The following RASEF variants were observed in gnomAD, a reference collection of about 807,000 sequenced individuals.
RASEF encodes the protein RAS and EF-hand domain containing, also known as ras and EF-hand domain-containing protein.
A neutral mutation model predicts 90.1 loss-of-function variants in RASEF; 68 were observed. The observed-to-expected ratio is 0.75, with a 90% CI of 0.62 to 0.92. The LOEUF (loss-of-function observed/expected upper bound fraction) is 0.92, where lower values mean the gene tolerates loss of function less well. Among genes scored for constraint, RASEF ranks in the 40% least tolerant of loss-of-function variants. The probability of loss-of-function intolerance (pLI) is 0.00; values close to 1 mark genes in which losing one functional copy is unlikely to be tolerated. For missense variants in RASEF, 949 were observed against 937.2 expected (o/e 1.01, Z -0.16); for synonymous variants, 331 against 345.2 (o/e 0.96, Z 0.46).
At chr9:83,066,587 T>C (rs1343009205), upstream of RASEF, among the ~76,000 whole-genome samples, 1 of 152,192 alleles carries the variant, frequency 6.6e-6, no homozygotes, top group Admixed American at 6.5e-5. Context: ...AATGAATTAG[T>C]AGGTAAGGAG....
chr9:83,135,221 A>AAAG, the RASEF span, among the ~76,000 whole-genome samples: 1 of 152,090 alleles, frequency 6.6e-6, no homozygotes, highest in Non-Finnish European at 1.5e-5. Context: ...GCTGGAAACC[A>AAAG]TCATTCTGAG....
At chr9:82,989,960 A>G (rs1176497677) in intron 16 of RASEF, among the ~76,000 whole-genome samples, 1 of 152,248 alleles carries the variant, frequency 6.6e-6, no homozygotes, top group African/African-American at 2.4e-5. Context: ...CCTTAGCTTA[A>G]TAATTACCTG....
chr9:83,155,668 A>T, the RASEF span, among the ~76,000 whole-genome samples: 9 of 152,214 alleles, frequency 5.9e-5, no homozygotes, highest in Admixed American at 4.6e-4. Flanking sequence ...GACTTCAAAG[A>T]CAAGGGACTT....
intron 1 of RASEF, among the ~76,000 whole-genome samples, chr9:83,040,515 T>C (rs1035238772): frequency 2.6e-4 from 39 of 152,248 alleles, no homozygotes; most frequent in Admixed American, 4.6e-4. Flanking sequence ...CATTCTAAAA[T>C]CTCCAAATGA....
rs368066305 is a variant in RASEF, at chr9:83,007,541, G to C, written c.960-36C>G. ...GTATTTTATGTTTGAGTGAGAATTA[G>C]GTGTCAAGTCCTGCCTCACGTATAC... On this transcript the variant is annotated intron_variant, in intron 6 of 16. Coordinates refer to ENST00000376447, the MANE Select transcript of RASEF (RefSeq NM_152573.4). 3 of 1,501,890 alleles carry C rather than the reference G, an allele frequency of 2.0e-6. No homozygotes were observed. In the East Asian group the frequency reaches 6.8e-5, roughly 34 times the overall value. The allele number at this position is 1,501,890 out of a possible 1,614,324, so 93.0% of individuals were successfully genotyped here. A position where few individuals can be genotyped will look rare whatever the true frequency, so the allele number is the denominator to read the frequency against.
chr9:83,109,020 G>A, the RASEF span, among the ~76,000 whole-genome samples: 6 of 152,206 alleles, frequency 3.9e-5, no homozygotes, highest in Admixed American at 6.5e-5. Context: ...TAAGGCAATA[G>A]CTTACAGACA....
the RASEF span, among the ~76,000 whole-genome samples, chr9:83,199,224 TAAAAA>T: frequency 3.4e-5 from 4 of 118,662 alleles, no homozygotes; most frequent in South Asian, 2.7e-4. Flanking sequence ...AGCCCTAATT[TAAAAA>T]AAAAAAAAAA....
In RASEF at chr9:83,008,891, CATATATATATATA is replaced by C. The variant is rs1307515786; in HGVS notation, c.959+737_959+749del. Among the ~76,000 whole-genome samples, 42 of 19,560 alleles carry C rather than the reference CATATATATATATA, an allele frequency of 2.1e-3. 1 individual carries two copies. The highest frequency in any genetic ancestry group is 4.4e-3 in the African/African-American group (28 of 6,434). The allele number at this position is 19,560 out of a possible 152,430, so 12.8% of individuals were successfully genotyped here. A position where few individuals can be genotyped will look rare whatever the true frequency, so the allele number is the denominator to read the frequency against. The stretch of plus-strand genomic sequence containing the variant: ...TCCCAACTAAATTTGAAGTTCTCAT[CATATATATATATA>C]TATATATATATATATATATATATAT... On this transcript the variant is annotated intron_variant, in intron 6 of 16. Coordinates refer to ENST00000376447, the MANE Select transcript of RASEF (RefSeq NM_152573.4).
intron 15 of RASEF, among the ~76,000 whole-genome samples, chr9:82,991,498 A>G (rs1374494852): frequency 6.6e-6 from 1 of 152,196 alleles, no homozygotes; most frequent in Non-Finnish European, 1.5e-5. Context: ...TGGGTTAAAC[A>G]GTCCTGTGTG....
the RASEF span, among the ~76,000 whole-genome samples, chr9:83,149,498 G>T: frequency 6.6e-6 from 1 of 152,134 alleles, no homozygotes; most frequent in Non-Finnish European, 1.5e-5. Context: ...CAAAGGAAAT[G>T]GTGTGTAAGA....
chr9:83,093,199 C>T, the RASEF span, among the ~76,000 whole-genome samples: 24 of 152,310 alleles, frequency 1.6e-4, no homozygotes, highest in Middle Eastern at 3.4e-3. Context: ...AAAGGTTCTC[C>T]ACCTCCCCAC....
At chr9:83,105,332 G>A in the RASEF span, among the ~76,000 whole-genome samples, 6 of 151,960 alleles carry the variant, frequency 3.9e-5, no homozygotes, top group Admixed American at 6.6e-5. Context: ...AAAAAATAAC[G>A]AATGAATAAA....
At chr9:83,138,479 G>C in the RASEF span, among the ~76,000 whole-genome samples, 3 of 152,232 alleles carry the variant, frequency 2.0e-5, no homozygotes, top group African/African-American at 7.2e-5. Context: ...GCCCTAATTT[G>C]CAAACAAAGA....
chr9:83,201,271 G>A, the RASEF span: 1 of 152,160 alleles, frequency 6.6e-6, no homozygotes, highest in Admixed American at 6.5e-5. Context: ...CACTGCATTC[G>A]GCCTTCAACC....
At chr9:83,153,550 C>T in the RASEF span, among the ~76,000 whole-genome samples, 11 of 152,120 alleles carry the variant, frequency 7.2e-5, no homozygotes, top group African/African-American at 1.2e-4. Context: ...TCCATCATGG[C>T]GACCCTGAGC....
chr9:83,064,823 T>C (rs949906560), upstream of RASEF, among the ~76,000 whole-genome samples: 1 of 152,114 alleles, frequency 6.6e-6, no homozygotes, highest in Admixed American at 6.5e-5. Context: ...TCCCAGCACT[T>C]TGGGAGGCTG....
At chr9:83,216,096 A>T in the RASEF span, among the ~76,000 whole-genome samples, 14 of 152,180 alleles carry the variant, frequency 9.2e-5, no homozygotes, top group Admixed American at 9.2e-4. Context: ...TAAGCAGCAA[A>T]GTGTTCAAGA....
At chr9:83,156,107 C>T in the RASEF span, among the ~76,000 whole-genome samples, 1 of 152,182 alleles carries the variant, frequency 6.6e-6, no homozygotes, top group African/African-American at 2.4e-5. Flanking sequence ...AGATAATTTC[C>T]TTGTCTCACA....
chr9:83,174,168 AT>A, the RASEF span, among the ~76,000 whole-genome samples: 1 of 151,952 alleles, frequency 6.6e-6, no homozygotes, highest in Non-Finnish European at 1.5e-5. Flanking sequence ...ATTAAGTCCA[AT>A]TAATCTATTT....
Sources: gnomAD v4.1 joint callset for allele counts (sites outside exome capture counted in the v4.1 genomes callset) on GRCh38, gnomAD v4.1.1 for gene constraint, MANE v1.5 for transcripts, NCBI Gene and HGNC (gene_info 2026-07-23, HGNC 2026-07-21) for gene names.